ZBTB7C: variants seen among roughly 807,000 people sequenced by gnomAD.
ZBTB7C encodes zinc finger and BTB domain containing 7C, also known as zinc finger and BTB domain-containing protein 7C.
In ZBTB7C, 8 loss-of-function variants were observed where a neutral mutation model predicts 25.7. The observed-to-expected ratio is 0.31, with a 90% CI of 0.18 to 0.56. The LOEUF is 0.56. ZBTB7C is among the 20% of genes least tolerant of loss of function. The pLI, the probability that ZBTB7C is intolerant of heterozygous loss-of-function variation, is 0.91. For missense variants in ZBTB7C, 824 were observed against 855.2 expected, an observed-to-expected ratio of 0.96 and a Z score of 0.46; for synonymous variants, 394 against 369.0, an observed-to-expected ratio of 1.07 and a Z score of -0.78.
chr18:48,245,079 AGTGTGT>A (rs375402994), intron 2 of ZBTB7C, among the ~76,000 whole-genome samples: 1 of 66,350 alleles, frequency 1.5e-5, no homozygotes, highest in African/African-American at 6.1e-5. Flanking sequence ...AAAAAAAAGT[AGTGTGT>A]GTGTGTGTAT....
chr18:48,389,920 C>T (rs941852562), intron 1 of ZBTB7C, among the ~76,000 whole-genome samples: 1 of 152,228 alleles, frequency 6.6e-6, no homozygotes, highest in Non-Finnish European at 1.5e-5. Context: ...CCCATCTCCA[C>T]ATCAGGAGAT....
intron 2 of ZBTB7C, among the ~76,000 whole-genome samples, chr18:48,274,929 T>A (rs2044601045): frequency 6.6e-6 from 1 of 152,058 alleles, no homozygotes; most frequent in Admixed American, 6.6e-5. Flanking sequence ...TCCTCCTCCC[T>A]CCCGCTACAA....
At chr18:48,279,206 C>T (rs984098754) in intron 2 of ZBTB7C, among the ~76,000 whole-genome samples, 5 of 152,142 alleles carry the variant, frequency 3.3e-5, no homozygotes, top group African/African-American at 1.2e-4. Context: ...GAGAAAACTG[C>T]TCCTGCTCCA....
Position 48,041,657 on chromosome 18 carries a change from TG to T in ZBTB7C, c.-16-535del, listed in dbSNP as rs1424274284. The T allele has an allele frequency of 1.6e-5, 7 of 433,144 alleles. No homozygotes were observed. In the East Asian group the frequency reaches 1.1e-3, roughly 68 times the overall value. The allele number at this position is 433,144 out of a possible 1,614,324, so 26.8% of individuals were successfully genotyped here. On this transcript the variant is annotated intron_variant, in intron 3 of 4. Transcript: ENST00000590800. ...TCGTGGCCCATTTTCAGCAAGTAAA[TG>T]GGGGCCTTGTGGTATGTTTTGCTTC...
chr18:48,097,791 A>G (rs1193249893), intron 3 of ZBTB7C, among the ~76,000 whole-genome samples: 2 of 152,118 alleles, frequency 1.3e-5, no homozygotes, highest in African/African-American at 4.8e-5. Flanking sequence ...TTCTGCTTTT[A>G]AGACCTGTAA....
chr18:48,187,675 G>A (rs2042090571), intron 2 of ZBTB7C, among the ~76,000 whole-genome samples: 1 of 152,016 alleles, frequency 6.6e-6, no homozygotes, highest in African/African-American at 2.4e-5. Flanking sequence ...CAAAACTTTA[G>A]TCGGGTGTGG....
At chr18:48,038,340 C>T (rs2036065304) in intron 4 of ZBTB7C, among the ~76,000 whole-genome samples, 1 of 152,088 alleles carries the variant, frequency 6.6e-6, no homozygotes, top group African/African-American at 2.4e-5. Context: ...GTCTGGGGTT[C>T]CCCTCACAGA....
In ZBTB7C at chr18:48,349,253, T is replaced by TATGAAATGGGCATGG; in HGVS notation, c.-303-10870_-303-10856dup. 1.3e-5 allele frequency among the ~76,000 whole-genome samples: 2 copies of TATGAAATGGGCATGG among 152,298 alleles called. 1 individual carries two copies. Among genetic ancestry groups the TATGAAATGGGCATGG allele is most frequent in the South Asian group, 4.2e-4 (2 of 4,816 alleles). On this transcript the variant is annotated intron_variant, in intron 1 of 4. Coordinates refer to ENST00000590800, the MANE Select transcript of ZBTB7C (RefSeq NM_001318841.2). ...TTTTTCCCCTCAGTATATTTTCCAA[T>TATGAAATGGGCATGG]ATGAAATGGGCATGGATGAAAGAAA...
At chr18:48,110,126 A>T (rs542608236) in intron 3 of ZBTB7C, among the ~76,000 whole-genome samples, 20 of 152,176 alleles carry the variant, frequency 1.3e-4, no homozygotes, top group Admixed American at 9.8e-4. Context: ...GATTATGACC[A>T]TTGTCATCAC....
chr18:48,204,487 GAAGGTACAGGTTGGA>G (rs1321167914), intron 2 of ZBTB7C, among the ~76,000 whole-genome samples: 2 of 152,156 alleles, frequency 1.3e-5, no homozygotes, highest in Non-Finnish European at 2.9e-5. Flanking sequence ...TGCAGGAAGG[GAAGGTACAGGTTGGA>G]AAGCCTGATA....
intron 3 of ZBTB7C, among the ~76,000 whole-genome samples, chr18:48,079,394 C>T (rs570902214): frequency 9.8e-5 from 15 of 152,300 alleles, no homozygotes; most frequent in Admixed American, 8.5e-4. Flanking sequence ...AAAGTGTTAC[C>T]TATTCTGGAA....
At chr18:48,244,077 A>C (rs2043607394) in intron 2 of ZBTB7C, among the ~76,000 whole-genome samples, 1 of 152,236 alleles carries the variant, frequency 6.6e-6, no homozygotes, top group South Asian at 2.1e-4. Flanking sequence ...AAATTCTAGA[A>C]GATAACATCA....
intron 2 of ZBTB7C, among the ~76,000 whole-genome samples, chr18:48,309,314 A>T (rs569834202): frequency 7.2e-4 from 109 of 152,244 alleles, no homozygotes; most frequent in South Asian, 1.5e-3. Flanking sequence ...GCCTATTTGG[A>T]CTGCACACTC....
intron 3 of ZBTB7C, among the ~76,000 whole-genome samples, chr18:48,069,767 G>A (rs1451357798): frequency 6.6e-6 from 1 of 152,232 alleles, no homozygotes; most frequent in African/African-American, 2.4e-5. Context: ...GTGGAGCAGA[G>A]GAAGGGTGTT....
At chr18:48,276,081 G>C (rs1209107693) in intron 2 of ZBTB7C, among the ~76,000 whole-genome samples, 1 of 152,134 alleles carries the variant, frequency 6.6e-6, no homozygotes, top group African/African-American at 2.4e-5. Flanking sequence ...CAACCGCGAT[G>C]GGGTAAAAGA....
intron 3 of ZBTB7C, among the ~76,000 whole-genome samples, chr18:48,077,684 G>A (rs1014985837): frequency 1.3e-5 from 2 of 152,200 alleles, no homozygotes; most frequent in Non-Finnish European, 2.9e-5. Flanking sequence ...GCCCCCAAAG[G>A]TGTAAGCACT....
At position 48,300,443 on chromosome 18, in the gene ZBTB7C, G is replaced by T. The variant is rs572319894; in HGVS notation, c.-79+37731C>A. On this transcript the variant is annotated intron_variant, in intron 2 of 4. Coordinates refer to ENST00000590800, the MANE Select transcript of ZBTB7C (RefSeq NM_001318841.2). ...CCAAAGTGGAAACCATATGCTGGTGGAGCTGGGCATCCGATTCCACCCTCA... is the reference window on the plus strand; with the variant it reads ...CCAAAGTGGAAACCATATGCTGGTGTAGCTGGGCATCCGATTCCACCCTCA... Among the ~76,000 whole-genome samples, 12 of 152,288 alleles carry T rather than the reference G, an allele frequency of 7.9e-5. No individual in the cohort carries two copies. The South Asian group carries it at 2.5e-3, about 32-fold the overall frequency.
chr18:48,055,357 C>A (rs1203120652), intron 3 of ZBTB7C, among the ~76,000 whole-genome samples: 2 of 142,004 alleles, frequency 1.4e-5, no homozygotes, highest in African/African-American at 5.3e-5. Flanking sequence ...TTGCAGTGAG[C>A]TGAGATTGCG....
At chr18:48,095,011 G>T (rs570377320) in intron 3 of ZBTB7C, among the ~76,000 whole-genome samples, 3 of 152,086 alleles carry the variant, frequency 2.0e-5, no homozygotes, top group African/African-American at 7.2e-5. Context: ...ACCTGGCAAG[G>T]CATTTCTGGG....
Sources: allele counts gnomAD v4.1 joint callset (sites outside exome capture counted in the v4.1 genomes callset), GRCh38; gene constraint gnomAD v4.1.1; transcripts MANE v1.5; gene names NCBI Gene and HGNC (gene_info 2026-07-23, HGNC 2026-07-21).